OSBPL1A: variants seen among roughly 807,000 people sequenced by gnomAD.
OSBPL1A encodes oxysterol-binding protein-related protein 1.
OSBPL1A carries 80 observed loss-of-function variants against 137.1 expected under a neutral mutation model. The observed-to-expected ratio is 0.58, with a 90% CI of 0.49 to 0.70. The LOEUF (loss-of-function observed/expected upper bound fraction) is 0.70, where lower values mean the gene tolerates loss of function less well. Ranked by LOEUF, OSBPL1A falls within the 30% of genes least tolerant of loss-of-function variation. The pLI is 0.00. For missense variants in OSBPL1A, 970 were observed against 1,129.4 expected, an observed-to-expected ratio of 0.86 and a Z score of 2.02; for synonymous variants, 365 against 389.7, an observed-to-expected ratio of 0.94 and a Z score of 0.75.
chr18:24,371,190 A>G (rs917688741), intron 2 of OSBPL1A, among the ~76,000 whole-genome samples: 1 of 152,162 alleles, frequency 6.6e-6, no homozygotes, highest in Non-Finnish European at 1.5e-5. Flanking sequence ...CGGTGAAGAA[A>G]AACAACAGAG....
chr18:24,392,121 G>A (rs1279677331), intron 1 of OSBPL1A, among the ~76,000 whole-genome samples: 1 of 152,148 alleles, frequency 6.6e-6, no homozygotes, highest in Admixed American at 6.6e-5. Flanking sequence ...CTCCCAAAGT[G>A]CTGGGATTAC....
chr18:24,187,986 C>T (rs2086793950), intron 18 of OSBPL1A, among the ~76,000 whole-genome samples: 1 of 152,218 alleles, frequency 6.6e-6, no homozygotes, highest in Non-Finnish European at 1.5e-5. Flanking sequence ...TTGTACACAA[C>T]AGCAGGGTGG....
intron 15 of OSBPL1A, among the ~76,000 whole-genome samples, chr18:24,249,947 C>T (rs1247679497): frequency 1.3e-5 from 2 of 152,170 alleles, no homozygotes; most frequent in Non-Finnish European, 2.9e-5. Flanking sequence ...GGAGTGATTG[C>T]ACCATCCCTC....
At chr18:24,359,845 A>G (rs1230628387) in intron 4 of OSBPL1A, among the ~76,000 whole-genome samples, 1 of 152,344 alleles carries the variant, frequency 6.6e-6, no homozygotes, top group East Asian at 1.9e-4. Flanking sequence ...AGGAACAAAT[A>G]CTAAACACAG....
At chr18:24,301,694 A>G (rs2090403542) in intron 14 of OSBPL1A, among the ~76,000 whole-genome samples, 1 of 152,240 alleles carries the variant, frequency 6.6e-6, no homozygotes, top group Non-Finnish European at 1.5e-5. Flanking sequence ...GTGCTAAGTA[A>G]TATAATACTC....
intron 18 of OSBPL1A, among the ~76,000 whole-genome samples, chr18:24,182,014 T>A (rs182518062): frequency 2.6e-5 from 4 of 152,278 alleles, no homozygotes; most frequent in Admixed American, 2.0e-4. Context: ...GGGCTAAGGA[T>A]TAACCACACA....
chr18:24,382,812 A>G (rs1906693999), intron 1 of OSBPL1A, among the ~76,000 whole-genome samples: 2 of 151,592 alleles, frequency 1.3e-5, no homozygotes, highest in Non-Finnish European at 2.9e-5. Context: ...GGAAGTTGAG[A>G]CTGCAGTGAG....
rs1284122081 is a variant in OSBPL1A at position 24,323,551 on chromosome 18, T to C, written c.626-4742A>G. On this transcript the variant is annotated intron_variant, in intron 7 of 27. Coordinates refer to ENST00000319481, the MANE Select transcript of OSBPL1A (RefSeq NM_080597.4). ...GGTGAGGCTTTTTCTTTTTTTTTTTTTTTTTTTTTTATTATACTCTAAGTT... is the reference window on the plus strand; with the variant it reads ...GGTGAGGCTTTTTCTTTTTTTTTTTCTTTTTTTTTTATTATACTCTAAGTT... 7.2e-4 allele frequency among the ~76,000 whole-genome samples: 41 copies of C among 57,116 alleles called. 12 individuals are homozygous for C. Among genetic ancestry groups the C allele is most frequent in the South Asian group, 3.4e-3 (8 of 2,340 alleles). The allele number at this position is 57,116 out of a possible 152,430, so 37.5% of individuals were successfully genotyped here. A position where few individuals can be genotyped will look rare whatever the true frequency, so the allele number is the denominator to read the frequency against.
intron 18 of OSBPL1A, among the ~76,000 whole-genome samples, chr18:24,187,092 T>C (rs2086768539): frequency 6.6e-6 from 1 of 151,958 alleles, no homozygotes; most frequent in Non-Finnish European, 1.5e-5. Flanking sequence ...AGCAACAAAA[T>C]ACATTCAGAT....
chr18:24,177,128 G>A (rs1252536585), intron 21 of OSBPL1A, among the ~76,000 whole-genome samples: 1 of 152,202 alleles, frequency 6.6e-6, no homozygotes, highest in Non-Finnish European at 1.5e-5. Flanking sequence ...TGGCCAAAGA[G>A]AAGGACTCTG....
chr18:24,299,905 C>G (rs1380670339), intron 14 of OSBPL1A, among the ~76,000 whole-genome samples: 4 of 152,144 alleles, frequency 2.6e-5, no homozygotes, highest in Admixed American at 2.6e-4. Flanking sequence ...TAATCCCATC[C>G]TAAGAATCCT....
chr18:24,260,176 C>A (rs1169804907), intron 15 of OSBPL1A, among the ~76,000 whole-genome samples: 1 of 151,990 alleles, frequency 6.6e-6, no homozygotes, highest in African/African-American at 2.4e-5. Context: ...AATAAGTGTT[C>A]AGAAGAATGT....
chr18:24,323,311 G>C (rs2146128566), intron 7 of OSBPL1A, among the ~76,000 whole-genome samples: 1 of 151,562 alleles, frequency 6.6e-6, no homozygotes, highest in Middle Eastern at 3.4e-3. Context: ...CCAGCACTTT[G>C]GGAGGCTGAG....
chr18:24,341,967 A>C (rs112027812), intron 4 of OSBPL1A, among the ~76,000 whole-genome samples: 44 of 152,364 alleles, frequency 2.9e-4, no homozygotes, highest in African/African-American at 9.6e-4. Flanking sequence ...AACAAAGCCA[A>C]TATTCAAATT....
At chr18:24,182,598 G>A (rs568874864) in intron 18 of OSBPL1A, among the ~76,000 whole-genome samples, 4 of 152,042 alleles carry the variant, frequency 2.6e-5, no homozygotes, top group Admixed American at 1.3e-4. Context: ...AAACTGGAGC[G>A]CAATCAAAGA....
intron 17 of OSBPL1A, among the ~76,000 whole-genome samples, chr18:24,209,428 C>T (rs943461259): frequency 1.3e-5 from 2 of 152,234 alleles, no homozygotes; most frequent in South Asian, 2.1e-4. Context: ...AAAATTCTTA[C>T]GTATTTCAGA....
chr18:24,280,952 T>C lies in OSBPL1A; in HGVS notation c.1175-4A>G. ...TGAAGAAATGATGGAAGCATTTCTA[T>C]AAAGAAAAAAATAAATACAGTGAGT... On this transcript the variant is annotated splice_polypyrimidine_tract_variant and splice_region_variant and intron_variant, in intron 14 of 27. Transcript: ENST00000319481. The C allele has an allele frequency of 1.3e-6, 2 of 1,573,272 alleles. No individual in the cohort carries two copies. Among genetic ancestry groups the C allele is most frequent in the Non-Finnish European group, 8.6e-7 (1 of 1,159,870 alleles).
chr18:24,184,435 C>T (rs1264450978), intron 18 of OSBPL1A, among the ~76,000 whole-genome samples: 1 of 152,130 alleles, frequency 6.6e-6, no homozygotes, highest in Non-Finnish European at 1.5e-5. Context: ...AACCACTTAA[C>T]CTGGAATGCC....
intron 17 of OSBPL1A, among the ~76,000 whole-genome samples, chr18:24,215,811 T>C (rs762642528): frequency 5.3e-5 from 8 of 152,218 alleles, no homozygotes; most frequent in Non-Finnish European, 7.3e-5. Flanking sequence ...AGGCTGTTAC[T>C]GTGAAAGATA....
Sources: allele counts gnomAD v4.1 joint callset (sites outside exome capture counted in the v4.1 genomes callset), GRCh38; gene constraint gnomAD v4.1.1; transcripts MANE v1.5; gene names NCBI Gene and HGNC (gene_info 2026-07-23, HGNC 2026-07-21).